The following ATAD3B variants were observed in gnomAD, a reference collection of about 807,000 sequenced individuals.
ATAD3B encodes ATPase family AAA domain containing 3B, also known as ATPase family AAA domain-containing protein 3B.
In ATAD3B, 59 loss-of-function variants were observed where a neutral mutation model predicts 70.2. The observed-to-expected ratio is 0.84, with a 90% CI of 0.68 to 1.04. ATAD3B has a LOEUF of 1.04. ATAD3B is among the 50% of genes least tolerant of loss of function. The pLI is 0.00. For missense variants in ATAD3B, 961 were observed against 913.4 expected (o/e 1.05, Z -0.67); for synonymous variants, 423 against 388.6 (o/e 1.09, Z -1.04).
chr1:1,472,019 C>T lies in ATAD3B; in HGVS notation c.135C>T (p.Asp45=), dbSNP rs1234958579. Residue 45 remains aspartate (D), a synonymous_variant, in exon 1 of 16, where the codon GAC becomes GAT. Coordinates refer to ENST00000673477, the MANE Select transcript of ATAD3B (RefSeq NM_031921.6). ...RGLGDRPAPK[D]KWSNFDPTGL... is the part of the protein sequence containing the mutation. ...TGGGAGACCGGCCGGCGCCCAAGGACAAATGGAGCAACTTCGACCCCACCG... is the reference window on the plus strand; with the variant it reads ...TGGGAGACCGGCCGGCGCCCAAGGATAAATGGAGCAACTTCGACCCCACCG... 8.1e-7 allele frequency: 1 copy of T among 1,236,356 alleles called. No homozygotes were observed. Among genetic ancestry groups the T allele is most frequent in the Non-Finnish European group, 1.0e-6 (1 of 987,658 alleles). 76.6% of individuals were successfully genotyped at this position (1,236,356 alleles called of 1,614,324 possible).
rs776507286 is a variant in ATAD3B, at chr1:1,486,134, G to A, written c.988G>A (p.Asp330Asn). The A allele has an allele frequency of 5.1e-5, 83 of 1,613,188 alleles. No individual in the cohort carries two copies. The highest frequency in any genetic ancestry group is 6.7e-5 in the Non-Finnish European group (79 of 1,179,644). Residue 330 changes from aspartate (D) to asparagine (N), a missense_variant, in exon 10 of 16, where the codon GAC becomes AAC. Transcript: ENST00000673477. The stretch of plus-strand genomic sequence containing the variant: ...GCCCAGCCTGGAAGCACGGGTGCGC[G>A]ACATCGCCATAGCAACCAGGAACAC... ...LSPSLEARVR[D>N]IAIATRNTKK... is the part of the protein sequence containing the mutation.
At chr1:1,472,356 T>C (rs1427760403) in intron 1 of ATAD3B, among the ~76,000 whole-genome samples, 14 of 151,854 alleles carry the variant, frequency 9.2e-5, no homozygotes, top group Non-Finnish European at 1.9e-4. Context: ...GGGGTCAGGG[T>C]CTGGGGCTGG....
intron 7 of ATAD3B, chr1:1,483,080 G>T (rs1439074036): frequency 2.2e-6 from 1 of 454,316 alleles, no homozygotes; most frequent in South Asian, 1.6e-5. Context: ...GGATCACGAG[G>T]TCCGGAGATC....
intron 15 of ATAD3B, among the ~76,000 whole-genome samples, chr1:1,491,227 G>T (rs1302661779): frequency 6.6e-6 from 1 of 152,010 alleles, no homozygotes; most frequent in Non-Finnish European, 1.5e-5. Flanking sequence ...TGGAGTGTGG[G>T]CATGGCCATC....
In ATAD3B at chr1:1,480,735, G is replaced by C; in HGVS notation, c.445-132G>C. 4.0e-6 allele frequency: 6 copies of C among 1,485,576 alleles called. 3 individuals are homozygous for C. The East Asian group carries it at 1.5e-4, about 38-fold the overall frequency. The allele number at this position is 1,485,576 out of a possible 1,614,324, so 92.0% of individuals were successfully genotyped here. ...GTCACCCGTGTCTGTGTCAGGGTGC[G>C]GCGTCTGCAGGTCCCCAGGTGCCCA... On this transcript the variant is annotated intron_variant, in intron 4 of 15. Coordinates refer to ENST00000673477, the MANE Select transcript of ATAD3B (RefSeq NM_031921.6).
rs993343491 is a variant in ATAD3B at position 1,477,380 on chromosome 1, C to CGGG, written c.282+32_282+34dup. On this transcript the variant is annotated intron_variant, in intron 2 of 15. Coordinates refer to ENST00000673477, the MANE Select transcript of ATAD3B (RefSeq NM_031921.6). The stretch of plus-strand genomic sequence containing the variant: ...GTGGGGCCGGTGTGGGCGAGGAGGC[C>CGGG]GGGGCGCACATGGGGTTCAGGCGTG... The CGGG allele has an allele frequency of 5.0e-6, 8 of 1,611,402 alleles. No individual in the cohort carries two copies. In the African/African-American group the frequency reaches 1.1e-4, roughly 22 times the overall value.
rs944279225 is a variant in ATAD3B, at chr1:1,485,645, G to C, written c.907-137G>C. On this transcript the variant is annotated intron_variant, in intron 8 of 15. Coordinates refer to ENST00000673477, the MANE Select transcript of ATAD3B (RefSeq NM_031921.6). ...CCTCCTGGTCTCCCGGCGGGGCAGG[G>C]TTCCAGCTCCGGGCCGGTCCTGGCT... 4.3e-6 allele frequency: 6 copies of C among 1,399,488 alleles called. No homozygotes were observed. In the African/African-American group the frequency reaches 5.7e-5, roughly 13 times the overall value. 86.7% of individuals were successfully genotyped at this position (1,399,488 alleles called of 1,614,324 possible). A position where few individuals can be genotyped will look rare whatever the true frequency, so the allele number is the denominator to read the frequency against.
chr1:1,489,622 A>T, intron 13 of ATAD3B: 1 of 1,317,160 alleles, frequency 7.6e-7, no homozygotes, highest in Non-Finnish European at 1.0e-6. Flanking sequence ...GACCGGCCCT[A>T]TGTCCAGGCT....
chr1:1,484,988 G>C (rs529149265), intron 7 of ATAD3B, 28 bp from the exon 8 acceptor site: 5 of 1,590,144 alleles, frequency 3.1e-6, no homozygotes, highest in East Asian at 2.3e-5. Flanking sequence ...GTGGGGGCCG[G>C]TGCGCCAGTG....
At chr1:1,503,552 A>G in the ATAD3B span, 2 of 1,594,636 alleles carry the variant, frequency 1.3e-6, no homozygotes, top group Admixed American at 1.8e-5. Flanking sequence ...CGTGTATCCT[A>G]ACACCCGCCC....
intron 5 of ATAD3B, 108 bp from the exon 6 acceptor site, chr1:1,482,030 G>A: frequency 1.3e-6 from 2 of 1,483,932 alleles, no homozygotes; most frequent in Non-Finnish European, 1.8e-6. Flanking sequence ...TGTGGCGTTG[G>A]TCTGTCCGTG....
intron 15 of ATAD3B, among the ~76,000 whole-genome samples, chr1:1,491,214 C>T (rs1461854275): frequency 2.0e-5 from 3 of 152,012 alleles, no homozygotes; most frequent in Admixed American, 2.0e-4. Flanking sequence ...AGCCGAGACT[C>T]ACTGGAGTGT....
chr1:1,479,253 G>C (rs1639765014), intron 4 of ATAD3B, 145 bp downstream of exon 4: 10 of 971,700 alleles, frequency 1.0e-5, no homozygotes, highest in South Asian at 3.2e-5. Flanking sequence ...TACTCGGACA[G>C]ACACGCACCA....
At chr1:1,475,533 C>T (rs1051606848) in intron 1 of ATAD3B, among the ~76,000 whole-genome samples, 2 of 152,022 alleles carry the variant, frequency 1.3e-5, no homozygotes, top group Non-Finnish European at 2.9e-5. Context: ...CGACTGCCTC[C>T]TCTGTCCCTT....
chr1:1,505,803 C>A, the ATAD3B span, among the ~76,000 whole-genome samples: 1 of 152,158 alleles, frequency 6.6e-6, no homozygotes, highest in Non-Finnish European at 1.5e-5. Flanking sequence ...GAATAAAGAG[C>A]AATTGCTACA....
intron 15 of ATAD3B, 71 bp from the exon 16 acceptor site, chr1:1,495,414 G>A (rs930504445): frequency 3.7e-5 from 57 of 1,523,996 alleles, no homozygotes; most frequent in Admixed American, 8.4e-5. Context: ...TCCCCACCTC[G>A]GGGCCCTGGC....
intron 15 of ATAD3B, among the ~76,000 whole-genome samples, chr1:1,491,771 A>G (rs931323383): frequency 5.3e-5 from 8 of 151,934 alleles, no homozygotes; most frequent in African/African-American, 1.7e-4. Flanking sequence ...ATTAGTCAGT[A>G]CAGGCTGGGT....
In ATAD3B at chr1:1,485,637, G is replaced by A. The variant is rs930940456; in HGVS notation, c.907-145G>A. 5.8e-5 allele frequency: 78 copies of A among 1,335,878 alleles called. 1 individual carries two copies. The Admixed American group carries it at 1.3e-3, about 22-fold the overall frequency. 82.8% of individuals were successfully genotyped at this position (1,335,878 alleles called of 1,614,324 possible). The stretch of plus-strand genomic sequence containing the variant: ...AGCAATAGCCTCCTGGTCTCCCGGC[G>A]GGGCAGGGTTCCAGCTCCGGGCCGG... On this transcript the variant is annotated intron_variant, in intron 8 of 15. Transcript: ENST00000673477.
downstream of ATAD3B, among the ~76,000 whole-genome samples, chr1:1,502,507 ATTTTTTTTTTT>A (rs1177153786): frequency 1.2e-5 from 1 of 82,848 alleles, no homozygotes; most frequent in South Asian, 3.4e-4. Flanking sequence ...CGTGCCCAGC[ATTTTTTTTTTT>A]TTTTTTTTTT....
Sources: gnomAD v4.1 joint callset for allele counts (sites outside exome capture counted in the v4.1 genomes callset) on GRCh38, gnomAD v4.1.1 for gene constraint, MANE v1.5 for transcripts, NCBI Gene and HGNC (gene_info 2026-07-23, HGNC 2026-07-21) for gene names.